TEAD4: variants seen among roughly 807,000 people sequenced by gnomAD.
TEAD4 encodes transcriptional enhancer factor TEF-3.
TEAD4 carries 36 observed loss-of-function variants against 52.4 expected under a neutral mutation model. The ratio of observed to expected loss-of-function variants is 0.69; its 90% CI spans 0.53 to 0.91. The LOEUF is 0.91. TEAD4 is among the 40% of genes least tolerant of loss of function. The pLI is 0.00. For missense variants in TEAD4, 508 were observed against 583.9 expected (o/e 0.87, Z 1.34); for synonymous variants, 220 against 231.0 (o/e 0.95, Z 0.43).
intron 2 of TEAD4, among the ~76,000 whole-genome samples, chr12:2,966,093 C>T (rs2098220022): frequency 6.6e-6 from 1 of 152,132 alleles, no homozygotes; most frequent in South Asian, 2.1e-4. Context: ...AGTAGCCAAC[C>T]TGGGTTCACT....
At chr12:2,963,493 C>G (rs2098217566) in intron 2 of TEAD4, among the ~76,000 whole-genome samples, 1 of 152,196 alleles carries the variant, frequency 6.6e-6, no homozygotes. Context: ...TGGAGCTGAA[C>G]AGCTGCTGTC....
chr12:3,024,910 G>GGCT (rs1273352580), intron 10 of TEAD4, among the ~76,000 whole-genome samples: 2 of 47,162 alleles, frequency 4.2e-5, no homozygotes, highest in Non-Finnish European at 1.2e-4. Flanking sequence ...TCTTTCTCCT[G>GGCT]GCTGCCTCTG....
At chr12:2,997,317 T>C (rs1291897376) in intron 3 of TEAD4, among the ~76,000 whole-genome samples, 1 of 152,258 alleles carries the variant, frequency 6.6e-6, no homozygotes, top group East Asian at 1.9e-4. Context: ...CTTCCACCTC[T>C]ACTTGTGAAG....
chr12:2,985,992 C>T (rs1360320855), intron 2 of TEAD4, among the ~76,000 whole-genome samples: 1 of 151,932 alleles, frequency 6.6e-6, no homozygotes, highest in Non-Finnish European at 1.5e-5. Context: ...GAGGCTGAGG[C>T]GGAGAATTGC....
chr12:3,018,994 C>T, intron 7 of TEAD4, 121 bp from the exon 8 acceptor site: 1 of 1,253,310 alleles, frequency 8.0e-7, no homozygotes, highest in Non-Finnish European at 1.1e-6. Flanking sequence ...AGGCCAAGGC[C>T]CATCGGGACC....
chr12:2,975,786 A>G (rs774154160), intron 2 of TEAD4, among the ~76,000 whole-genome samples: 4 of 152,196 alleles, frequency 2.6e-5, no homozygotes, highest in Non-Finnish European at 5.9e-5. Flanking sequence ...CCACCATTAC[A>G]GTATCATGCA....
intron 3 of TEAD4, among the ~76,000 whole-genome samples, chr12:3,010,614 C>T (rs879842131): frequency 7.9e-5 from 12 of 152,206 alleles, no homozygotes; most frequent in Non-Finnish European, 7.3e-5. Flanking sequence ...AGGCCGAGGG[C>T]CGGGCAGCTC....
chr12:3,014,698 C>T (rs1052213685), intron 5 of TEAD4, among the ~76,000 whole-genome samples: 10 of 152,196 alleles, frequency 6.6e-5, no homozygotes, highest in African/African-American at 1.9e-4. Context: ...GTTCCCCTCC[C>T]GGCCCCGGTT....
At chr12:2,961,654 G>A (rs1476715822) in intron 2 of TEAD4, among the ~76,000 whole-genome samples, 2 of 152,124 alleles carry the variant, frequency 1.3e-5, no homozygotes, top group Non-Finnish European at 2.9e-5. Context: ...TGTCCAGAAA[G>A]TTTCTTGTGA....
rs189614652 is a variant in TEAD4, at chr12:3,006,010, A to G, written c.227-4994A>G. ...CGAATAATAACGTATTGCATTTTTC[A>G]TAAGTTGCTAAGAAAGTAAATTTCA... On this transcript the variant is annotated intron_variant, in intron 3 of 12. Coordinates refer to ENST00000359864, the MANE Select transcript of TEAD4 (RefSeq NM_003213.4). 1.1e-3 allele frequency among the ~76,000 whole-genome samples: 167 copies of G among 152,332 alleles called. 1 individual carries two copies. Among genetic ancestry groups the G allele is most frequent in the African/African-American group, 3.8e-3 (159 of 41,572 alleles).
chr12:3,031,624 G>A (rs546919158), intron 10 of TEAD4, among the ~76,000 whole-genome samples: 1 of 152,300 alleles, frequency 6.6e-6, no homozygotes, highest in South Asian at 2.1e-4. Context: ...TACATGCTGT[G>A]AGATAGATGG....
In TEAD4 at chr12:2,959,828, G is replaced by A. The variant is rs918113606; in HGVS notation, c.-122-120G>A. The stretch of plus-strand genomic sequence containing the variant: ...CCGCGCGCTCCGCTCCGCTCCGCTG[G>A]GCGCACCGGGGCCGGTCGGCGCGGG... On this transcript the variant is annotated intron_variant, in intron 1 of 12. Coordinates refer to ENST00000359864, the MANE Select transcript of TEAD4 (RefSeq NM_003213.4). This position sits in a 1 kb window ranked among gnomAD's most constrained non-coding sequence, Gnocchi z 5.1. 6.6e-6 allele frequency: 1 copy of A among 151,458 alleles called. No homozygotes were observed. The highest frequency in any genetic ancestry group is 1.5e-5 in the Non-Finnish European group (1 of 67,884). 9.4% of individuals were successfully genotyped at this position (151,458 alleles called of 1,614,324 possible).
At chr12:3,025,653 C>T (rs373341848) in intron 10 of TEAD4, among the ~76,000 whole-genome samples, 49 of 152,156 alleles carry the variant, frequency 3.2e-4, no homozygotes, top group African/African-American at 1.1e-3. Context: ...TCTCATGCCT[C>T]ACCCTTGCAG....
At chr12:2,982,226 T>C (rs2098234619) in intron 2 of TEAD4, among the ~76,000 whole-genome samples, 1 of 152,156 alleles carries the variant, frequency 6.6e-6, no homozygotes, top group Non-Finnish European at 1.5e-5. Flanking sequence ...AGGGAGATCT[T>C]AATAAAAGCC....
At chr12:3,004,014 G>A (rs1323012505) in intron 3 of TEAD4, among the ~76,000 whole-genome samples, 3 of 152,180 alleles carry the variant, frequency 2.0e-5, no homozygotes, top group African/African-American at 7.2e-5. Flanking sequence ...GTAGGCCCAC[G>A]CTCCCTACTC....
At chr12:3,001,413 C>T (rs1400648591) in intron 3 of TEAD4, among the ~76,000 whole-genome samples, 1 of 152,198 alleles carries the variant, frequency 6.6e-6, no homozygotes, top group Non-Finnish European at 1.5e-5. Flanking sequence ...CCCTCTGCCC[C>T]TATAGCCGCT....
chr12:3,014,564 G>A (rs1207931854), intron 5 of TEAD4, among the ~76,000 whole-genome samples: 1 of 152,258 alleles, frequency 6.6e-6, no homozygotes, highest in Non-Finnish European at 1.5e-5. Context: ...ATCCCTGAGT[G>A]AGAGGCTGGG....
intron 2 of TEAD4, among the ~76,000 whole-genome samples, chr12:2,964,148 G>T (rs2098218232): frequency 6.6e-6 from 1 of 152,210 alleles, no homozygotes; most frequent in South Asian, 2.1e-4. Context: ...TGAAGCTAGA[G>T]CTCCGTGCCG....
intron 10 of TEAD4, among the ~76,000 whole-genome samples, chr12:3,025,663 G>A (rs11062464): frequency 0.13 from 20,027 of 151,862 alleles, 1,438 homozygotes; most frequent in Non-Finnish European, 0.14. Context: ...CACCCTTGCA[G>A]GTAGCTGGGA....
Sources: gnomAD v4.1 joint callset for allele counts (sites outside exome capture counted in the v4.1 genomes callset) on GRCh38, gnomAD v4.1.1 for gene constraint, Gnocchi (gnomAD v3.1) non-coding constraint, MANE v1.5 for transcripts, NCBI Gene and HGNC (gene_info 2026-07-23, HGNC 2026-07-21) for gene names.